Variants in DSCAML1 observed in about 807,000 individuals in gnomAD.
DSCAML1 encodes the protein cell adhesion molecule DSCAML1.
DSCAML1 carries 38 observed loss-of-function variants against 200.5 expected under a neutral mutation model. The ratio of observed to expected loss-of-function variants is 0.19; its 90% confidence interval spans 0.15 to 0.25. DSCAML1 has a LOEUF of 0.25. Among genes scored for constraint, DSCAML1 ranks in the 10% least tolerant of loss-of-function variants. The pLI is 1.00. For missense variants in DSCAML1, 2,223 were observed against 2,858.8 expected (o/e 0.78, Z 5.07); for synonymous variants, 1,215 against 1,165.0 (o/e 1.04, Z -0.87).
chr11:117,593,868 C>T (rs1389214367), intron 3 of DSCAML1, among the ~76,000 whole-genome samples: 1 of 152,086 alleles, frequency 6.6e-6, no homozygotes, highest in African/African-American at 2.4e-5. Context: ...CCCGCCACCA[C>T]ACCTGGCTAA....
At chr11:117,671,634 T>C (rs971466482) in intron 3 of DSCAML1, among the ~76,000 whole-genome samples, 1 of 152,232 alleles carries the variant, frequency 6.6e-6, no homozygotes, top group Non-Finnish European at 1.5e-5. Context: ...GATCATTTAC[T>C]GCTAGTAATT....
intron 3 of DSCAML1, among the ~76,000 whole-genome samples, chr11:117,690,302 T>C (rs1346884183): frequency 6.6e-6 from 1 of 152,228 alleles, no homozygotes; most frequent in Non-Finnish European, 1.5e-5. Context: ...GAGCCCAGTA[T>C]GTCCAATCCC....
In DSCAML1 at chr11:117,516,555, C is replaced by T; in HGVS notation, c.1695G>A (p.Gln565=). The change falls in exon 8 of 33, where the codon CAG becomes CAA. Residue 565 remains glutamine (Q), a synonymous_variant. Transcript: ENST00000651296. The surrounding 1 kb of genome is among the most constrained non-coding windows in gnomAD (Gnocchi z 5.7). ...GGTACTCCCCCTCATCCATGCCCTT[C>T]TGCACGTCAGTCAGCTTGAGGGTCC... is the stretch of plus-strand genomic sequence containing the variant. ...ENGTLKLTDV[Q]KGMDEGEYLC... 1 of 1,614,078 alleles carries T rather than the reference C, an allele frequency of 6.2e-7. No homozygotes were observed. Among genetic ancestry groups the T allele is most frequent in the Non-Finnish European group, 8.5e-7 (1 of 1,180,034 alleles).
Position 117,642,499 on chromosome 11 carries a change from GCAAAGCCA to G in DSCAML1, c.512-109985_512-109978del, listed in dbSNP as rs1216775479. On this transcript the variant is annotated intron_variant, in intron 3 of 32. Transcript: ENST00000651296. The surrounding 1 kb of genome is among the most constrained non-coding windows in gnomAD (Gnocchi z 4.1). Reference sequence around the variant, plus strand: ...ACATGCTCAGTAGGACACTAGACCAGCAAAGCCACAAAGGTGGCTGCTGGGAGAGCAGG... The same window carrying G: ...ACATGCTCAGTAGGACACTAGACCAGCAAAGGTGGCTGCTGGGAGAGCAGG... Among the ~76,000 whole-genome samples the G allele has an allele frequency of 6.6e-6, 1 of 152,244 alleles. No individual in the cohort carries two copies. Among genetic ancestry groups the G allele is most frequent in the East Asian group, 1.9e-4 (1 of 5,200 alleles).
chr11:117,521,532 C>T, intron 5 of DSCAML1, 127 bp from the exon 6 acceptor site: 1 of 954,928 alleles, frequency 1.0e-6, no homozygotes, highest in South Asian at 1.7e-5. Flanking sequence ...TGCCTCCAGA[C>T]CCCTTGTGTG....
intron 3 of DSCAML1, among the ~76,000 whole-genome samples, chr11:117,627,462 C>A (rs2052073263): frequency 2.0e-5 from 3 of 152,104 alleles, no homozygotes; most frequent in Admixed American, 2.0e-4. Flanking sequence ...GAGTACAATG[C>A]CGGGAGAGGT....
Position 117,746,856 on chromosome 11 carries a change from C to T in DSCAML1, c.511+29935G>A, listed in dbSNP as rs2137856616. Among the ~76,000 whole-genome samples, 2 of 152,348 alleles carry T rather than the reference C, an allele frequency of 1.3e-5. 1 individual carries two copies. The highest frequency in any genetic ancestry group is 4.1e-4 in the South Asian group (2 of 4,830). On this transcript the variant is annotated intron_variant, in intron 3 of 32. Transcript: ENST00000651296. ...AGGCTTCAGGACTCGGCTGAAATCT[C>T]AGGTCTTCCATGGAACCTCCCTGGG...
At chr11:117,763,911 G>A (rs1368870915) in intron 3 of DSCAML1, among the ~76,000 whole-genome samples, 5 of 152,132 alleles carry the variant, frequency 3.3e-5, no homozygotes, top group Non-Finnish European at 7.4e-5. Flanking sequence ...GACCCAGGGG[G>A]AGGTGCCATT....
At chr11:117,782,893 C>T (rs1410804547) in intron 1 of DSCAML1, among the ~76,000 whole-genome samples, 1 of 152,086 alleles carries the variant, frequency 6.6e-6, no homozygotes, top group Admixed American at 6.5e-5. Flanking sequence ...GAGATCAATG[C>T]AACTTACCCA....
intron 3 of DSCAML1, among the ~76,000 whole-genome samples, chr11:117,650,700 T>TGTGC (rs147584706): frequency 7.9e-4 from 117 of 147,460 alleles, no homozygotes; most frequent in African/African-American, 2.5e-3. Context: ...TGTGTGTGTG[T>TGTGC]GCGTGTGTGT....
intron 2 of DSCAML1, 23 bp from the exon 3 acceptor site, chr11:117,776,960 G>A: frequency 6.2e-7 from 1 of 1,612,612 alleles, no homozygotes; most frequent in Non-Finnish European, 8.5e-7. Flanking sequence ...TGGCAGTGGG[G>A]AAGAGAAGAG....
At chr11:117,629,702 A>T (rs549246044) in intron 3 of DSCAML1, among the ~76,000 whole-genome samples, 118 of 152,224 alleles carry the variant, frequency 7.8e-4, no homozygotes, top group Non-Finnish European at 1.5e-3. Context: ...AGACACTGAA[A>T]AAAGAGAGCA....
chr11:117,609,307 CTTTCTTT>C (rs398045742), intron 3 of DSCAML1, among the ~76,000 whole-genome samples: 2 of 146,544 alleles, frequency 1.4e-5, no homozygotes. Context: ...TTCTTTCTTT[CTTTCTTT>C]TTTTTTTTTT....
intron 7 of DSCAML1, among the ~76,000 whole-genome samples, chr11:117,517,803 G>C (rs1232151320): frequency 1.3e-5 from 2 of 152,200 alleles, no homozygotes; most frequent in Non-Finnish European, 2.9e-5. Flanking sequence ...AGGAGACTGT[G>C]TTCTCACCAC....
intron 20 of DSCAML1, 151 bp downstream of exon 20, chr11:117,450,398 C>G: frequency 9.0e-6 from 10 of 1,112,550 alleles, no homozygotes; most frequent in Non-Finnish European, 1.3e-5. Context: ...GCTTCGGCCA[C>G]TCTGGGTGGC....
intron 3 of DSCAML1, among the ~76,000 whole-genome samples, chr11:117,707,156 C>A (rs1030676344): frequency 6.6e-6 from 1 of 152,154 alleles, no homozygotes; most frequent in African/African-American, 2.4e-5. Context: ...GACATGAATG[C>A]CCTCAGCCCA....
At chr11:117,651,664 A>G (rs2052634053) in intron 3 of DSCAML1, among the ~76,000 whole-genome samples, 1 of 137,012 alleles carries the variant, frequency 7.3e-6, no homozygotes, top group Admixed American at 8.0e-5. Context: ...GTGAGCCGAG[A>G]TCTTGCCAGC....
At chr11:117,685,241 T>G (rs1183833140) in intron 3 of DSCAML1, among the ~76,000 whole-genome samples, 3 of 152,176 alleles carry the variant, frequency 2.0e-5, no homozygotes, top group Non-Finnish European at 4.4e-5. Context: ...ATCAGGCTCT[T>G]TCCTAAGATG....
At chr11:117,651,273 AC>A (rs1319339943) in intron 3 of DSCAML1, among the ~76,000 whole-genome samples, 1 of 152,196 alleles carries the variant, frequency 6.6e-6, no homozygotes, top group African/African-American at 2.4e-5. Flanking sequence ...CAGAAATGCC[AC>A]CCTGGCAGGG....
Sources: gnomAD v4.1 joint callset for allele counts (sites outside exome capture counted in the v4.1 genomes callset) on GRCh38, gnomAD v4.1.1 for gene constraint, Gnocchi (gnomAD v3.1) non-coding constraint, MANE v1.5 for transcripts, NCBI Gene and HGNC (gene_info 2026-07-23, HGNC 2026-07-21) for gene names.